Variants in LAMA2 observed in about 807,000 individuals in gnomAD.
LAMA2 encodes laminin subunit alpha-2.
LAMA2 carries 269 observed loss-of-function variants against 364.8 expected under a neutral mutation model. The ratio of observed to expected loss-of-function variants is 0.74; its 90% CI spans 0.67 to 0.82. The LOEUF (loss-of-function observed/expected upper bound fraction) is 0.82. LAMA2 is among the 40% of genes least tolerant of loss of function. The pLI is 0.00. For synonymous variants in LAMA2, 1,379 were observed against 1,370.6 expected (o/e 1.01, Z -0.14); for missense variants, 3,807 against 3,873.2 (o/e 0.98, Z 0.45).
rs369805884 is a variant in LAMA2, at chr6:129,037,722, T to A, written c.113-12196T>A. Among the ~76,000 whole-genome samples the A allele has an allele frequency of 3.9e-4, 59 of 150,396 alleles. 1 individual carries two copies. The South Asian group carries it at 0.01, about 26-fold the overall frequency. ...GCTCTGTCGCCCAGGCTGGATGGAGTGCAGTGGCGCGATCTCTGCTCACTG... is the reference window on the plus strand; with the variant it reads ...GCTCTGTCGCCCAGGCTGGATGGAGAGCAGTGGCGCGATCTCTGCTCACTG... On this transcript the variant is annotated intron_variant, in intron 1 of 64. Transcript: ENST00000421865.
At position 129,320,673 on chromosome 6, in the gene LAMA2, A is replaced by T. The variant is rs1222142861; in HGVS notation, c.4176+18A>T. Reference sequence around the variant, plus strand: ...CCTGTGAGGTAAGCTACCTCCTACTAACCTGCTTAATCTCAAGTCACTTCA... The same window carrying T: ...CCTGTGAGGTAAGCTACCTCCTACTTACCTGCTTAATCTCAAGTCACTTCA... On this transcript the variant is annotated intron_variant, in intron 28 of 64. Coordinates refer to ENST00000421865, the MANE Select transcript of LAMA2 (RefSeq NM_000426.4). 3.0e-6 allele frequency: 4 copies of T among 1,355,458 alleles called. No individual in the cohort carries two copies. Among genetic ancestry groups the T allele is most frequent in the Non-Finnish European group, 4.2e-6 (4 of 944,108 alleles). The allele number at this position is 1,355,458 out of a possible 1,614,324, so 84.0% of individuals were successfully genotyped here. A position where few individuals can be genotyped will look rare whatever the true frequency, so the allele number is the denominator to read the frequency against.
At chr6:129,245,287 G>GTTA (rs2115166051) in intron 12 of LAMA2, among the ~76,000 whole-genome samples, 1 of 152,204 alleles carries the variant, frequency 6.6e-6, no homozygotes, top group South Asian at 2.1e-4. Flanking sequence ...AATCCATCCA[G>GTTA]TAATATAAGA....
chr6:129,007,262 TG>T (rs1784500307), intron 1 of LAMA2, among the ~76,000 whole-genome samples: 1 of 152,110 alleles, frequency 6.6e-6, no homozygotes, highest in African/African-American at 2.4e-5. Flanking sequence ...AGGGGAAATA[TG>T]AGAGACCCTA....
At chr6:128,966,980 C>T (rs1183301785) in intron 1 of LAMA2, among the ~76,000 whole-genome samples, 1 of 152,144 alleles carries the variant, frequency 6.6e-6, no homozygotes, top group Admixed American at 6.5e-5. Flanking sequence ...TAGTGAAGGT[C>T]CAAATTTCAG....
At chr6:129,287,492 AT>A in intron 18 of LAMA2, among the ~76,000 whole-genome samples, 1 of 152,252 alleles carries the variant, frequency 6.6e-6, no homozygotes, top group African/African-American at 2.4e-5. Context: ...AAAATAACCA[AT>A]TGGAGTAGAG....
intron 1 of LAMA2, among the ~76,000 whole-genome samples, chr6:129,013,401 C>T (rs937937375): frequency 4.6e-5 from 7 of 151,476 alleles, no homozygotes; most frequent in Admixed American, 3.9e-4. Flanking sequence ...CGCGCCACTG[C>T]AGTCCGGCCT....
chr6:128,897,369 A>T (rs1017559213), intron 1 of LAMA2, among the ~76,000 whole-genome samples: 4 of 152,198 alleles, frequency 2.6e-5, no homozygotes, highest in African/African-American at 9.7e-5. Context: ...GCAATGAATG[A>T]ATTCTTAACT....
At chr6:129,056,135 T>A (rs1276641645) in intron 2 of LAMA2, among the ~76,000 whole-genome samples, 1 of 152,198 alleles carries the variant, frequency 6.6e-6, no homozygotes, top group Non-Finnish European at 1.5e-5. Context: ...CTATCACATA[T>A]TAAACGCACA....
chr6:129,465,600 C>T (rs1220027936), intron 51 of LAMA2, among the ~76,000 whole-genome samples: 1 of 151,790 alleles, frequency 6.6e-6, no homozygotes, highest in Non-Finnish European at 1.5e-5. Flanking sequence ...TTTCTTTTCT[C>T]CCTATTTTGT....
chr6:128,883,764 T>C (rs1319215352), intron 1 of LAMA2, among the ~76,000 whole-genome samples: 1 of 149,228 alleles, frequency 6.7e-6, no homozygotes, highest in Non-Finnish European at 1.5e-5. Flanking sequence ...TTATGGAGGG[T>C]AGCTGATGCA....
chr6:129,316,610 A>G (rs1471432686), intron 27 of LAMA2, among the ~76,000 whole-genome samples: 1 of 152,218 alleles, frequency 6.6e-6, no homozygotes, highest in Non-Finnish European at 1.5e-5. Context: ...GTGCCATACA[A>G]TGTTGTCATT....
intron 56 of LAMA2, 67 bp downstream of exon 56, chr6:129,486,689 T>A: frequency 1.4e-6 from 2 of 1,412,466 alleles, no homozygotes; most frequent in African/African-American, 2.8e-5. Flanking sequence ...CATCGGTATC[T>A]ATCAGTATCT....
intron 3 of LAMA2, among the ~76,000 whole-genome samples, chr6:129,073,157 T>A (rs557155036): frequency 2.1e-4 from 32 of 152,208 alleles, no homozygotes; most frequent in Non-Finnish European, 4.6e-4. Flanking sequence ...TTTTGTTTTG[T>A]TTTGTTTTTT....
intron 1 of LAMA2, among the ~76,000 whole-genome samples, chr6:129,012,325 T>C (rs1312722414): frequency 1.3e-5 from 2 of 152,162 alleles, no homozygotes; most frequent in Non-Finnish European, 2.9e-5. Context: ...TTGAATATTA[T>C]GCTTTGTTAA....
chr6:128,982,842 A>G (rs1410626503), intron 1 of LAMA2, among the ~76,000 whole-genome samples: 1 of 142,324 alleles, frequency 7.0e-6, no homozygotes, highest in Admixed American at 7.4e-5. Flanking sequence ...ATTCCCACCT[A>G]TGAGTGAGAA....
At chr6:129,084,033 C>T (rs72974814) in intron 3 of LAMA2, among the ~76,000 whole-genome samples, 2,114 of 152,172 alleles carry the variant, frequency 0.014, 29 homozygotes, top group Non-Finnish European at 0.022. Flanking sequence ...AGTTAAAGGC[C>T]GGCACAATAA....
At chr6:129,427,932 G>A in intron 41 of LAMA2, 78 bp downstream of exon 41, 5 of 898,786 alleles carry the variant, frequency 5.6e-6, no homozygotes, top group Non-Finnish European at 9.3e-6. Context: ...CACTATTGGA[G>A]AATGTAATTT....
At chr6:129,129,923 C>CAAAA (rs543305057) in intron 4 of LAMA2, among the ~76,000 whole-genome samples, 25 of 76,286 alleles carry the variant, frequency 3.3e-4, no homozygotes, top group East Asian at 2.3e-3. Flanking sequence ...GATTCCGTCT[C>CAAAA]AAAAAAAAAA....
At chr6:129,283,107 G>A (rs1788840134) in intron 18 of LAMA2, among the ~76,000 whole-genome samples, 2 of 152,104 alleles carry the variant, frequency 1.3e-5, no homozygotes, top group Admixed American at 1.3e-4. Context: ...AGGTATCACT[G>A]CTTTGCTGGG....
Sources: allele counts gnomAD v4.1 joint callset (sites outside exome capture counted in the v4.1 genomes callset), GRCh38; gene constraint gnomAD v4.1.1; transcripts MANE v1.5; gene names NCBI Gene and HGNC (gene_info 2026-07-23, HGNC 2026-07-21).